Variants in GNB4 observed in about 807,000 individuals in gnomAD.
GNB4 encodes G protein subunit beta 4.
GNB4 carries 28 observed loss-of-function variants against 45.2 expected under a neutral mutation model. The observed-to-expected ratio is 0.62, with a 90% CI of 0.46 to 0.85. The LOEUF is 0.85. GNB4 is among the 40% of genes least tolerant of loss of function. GNB4 has a pLI of 0.00. For synonymous variants in GNB4, 132 were observed against 143.7 expected, an observed-to-expected ratio of 0.92 and a Z score of 0.58; for missense variants, 321 against 425.4, an observed-to-expected ratio of 0.75 and a Z score of 2.16.
At chr3:179,462,925 AC>A in the GNB4 span, among the ~76,000 whole-genome samples, 56 of 152,280 alleles carry the variant, frequency 3.7e-4, no homozygotes, top group South Asian at 1.9e-3. Context: ...TTACCACCCA[AC>A]CCAACCTCAT....
the GNB4 span, among the ~76,000 whole-genome samples, chr3:179,508,932 G>GTATATATATATATATATATATATATA: frequency 1.7e-3 from 170 of 102,076 alleles, 4 homozygotes; most frequent in African/African-American, 6.1e-3. Flanking sequence ...TTCAGCATGT[G>GTATATATATATATATATATATATATA]TATATATATA....
intron 2 of GNB4, among the ~76,000 whole-genome samples, chr3:179,422,269 A>T (rs1715003327): frequency 6.6e-6 from 1 of 152,226 alleles, no homozygotes; most frequent in Non-Finnish European, 1.5e-5. Flanking sequence ...GTGCAAAATT[A>T]CATTATGCAA....
At chr3:179,496,580 T>C in the GNB4 span, among the ~76,000 whole-genome samples, 2 of 152,122 alleles carry the variant, frequency 1.3e-5, no homozygotes, top group African/African-American at 4.8e-5. Context: ...GACCCAACTA[T>C]ATGCTGCCTA....
the GNB4 span, among the ~76,000 whole-genome samples, chr3:179,505,200 A>T: frequency 6.6e-6 from 1 of 152,202 alleles, no homozygotes; most frequent in Non-Finnish European, 1.5e-5. Context: ...CTGGAGGAAG[A>T]TGTAGAACAA....
chr3:179,455,431 C>CAGGCTGTAAA, upstream of GNB4, among the ~76,000 whole-genome samples: 1 of 152,200 alleles, frequency 6.6e-6, no homozygotes, highest in Non-Finnish European at 1.5e-5. Context: ...AGATCTTACC[C>CAGGCTGTAAA]TGCCAGCATT....
Position 179,419,624 on chromosome 3 carries a change from G to A in GNB4, c.97-119C>T, listed in dbSNP as rs552555049. On this transcript the variant is annotated intron_variant, in intron 3 of 9. Transcript: ENST00000232564. Reference sequence around the variant, plus strand: ...TAAAGTACATTTATAGTAACTGAAGGTAATTTAATGTATATAATTCCACAG... The same window carrying A: ...TAAAGTACATTTATAGTAACTGAAGATAATTTAATGTATATAATTCCACAG... 6 of 673,210 alleles carry A rather than the reference G, an allele frequency of 8.9e-6. No individual in the cohort carries two copies. The Admixed American group carries it at 1.5e-4, about 16-fold the overall frequency. 41.7% of individuals were successfully genotyped at this position (673,210 alleles called of 1,614,324 possible). A position where few individuals can be genotyped will look rare whatever the true frequency, so the allele number is the denominator to read the frequency against.
intron 1 of GNB4, among the ~76,000 whole-genome samples, chr3:179,443,235 T>C (rs73047103): frequency 1.3e-3 from 202 of 152,310 alleles, no homozygotes; most frequent in Middle Eastern, 6.8e-3. Context: ...TTCACAGCTT[T>C]AATAAAAGTA....
intron 8 of GNB4, chr3:179,410,229 C>T (rs1350742835): frequency 1.3e-5 from 2 of 151,928 alleles, no homozygotes; most frequent in Non-Finnish European, 2.9e-5. Context: ...AACTAATACA[C>T]CAAGTAAGCA....
chr3:179,468,708 T>G, the GNB4 span, among the ~76,000 whole-genome samples: 1 of 152,198 alleles, frequency 6.6e-6, no homozygotes, highest in Non-Finnish European at 1.5e-5. Context: ...TAGCAGGCCC[T>G]GAAAGATCTC....
chr3:179,468,355 C>T, the GNB4 span, among the ~76,000 whole-genome samples: 4 of 150,904 alleles, frequency 2.7e-5, no homozygotes, highest in Non-Finnish European at 4.4e-5. Context: ...ATTAGCCAGG[C>T]GTGGTGGCGC....
the GNB4 span, among the ~76,000 whole-genome samples, chr3:179,500,633 G>A: frequency 6.6e-6 from 1 of 152,196 alleles, no homozygotes; most frequent in African/African-American, 2.4e-5. Context: ...GTCAAGGATA[G>A]CTTGATGGGG....
In GNB4 at chr3:179,399,800, T is replaced by C. The variant is rs1167035731; in HGVS notation, c.*1413A>G. Reference sequence around the variant, plus strand: ...TAAGTTACAAAACAATGCACGTCTATATATCAGAATAATCCAAGACTTTAC... The same window carrying C: ...TAAGTTACAAAACAATGCACGTCTACATATCAGAATAATCCAAGACTTTAC... On this transcript the variant is annotated 3_prime_UTR_variant, in exon 10 of 10. Coordinates refer to ENST00000232564, the MANE Select transcript of GNB4 (RefSeq NM_021629.4). 2.0e-5 allele frequency: 3 copies of C among 152,228 alleles called. No homozygotes were observed. The highest frequency in any genetic ancestry group is 4.4e-5 in the Non-Finnish European group (3 of 68,048). The allele number at this position is 152,228 out of a possible 1,614,324, so 9.4% of individuals were successfully genotyped here.
intron 1 of GNB4, among the ~76,000 whole-genome samples, chr3:179,429,549 G>A (rs1284053479): frequency 6.6e-6 from 1 of 152,130 alleles, no homozygotes; most frequent in Non-Finnish European, 1.5e-5. Flanking sequence ...TGAGTTTGTG[G>A]CTCATCCCTT....
chr3:179,446,213 G>T (rs1242856298), intron 1 of GNB4, among the ~76,000 whole-genome samples: 1 of 152,190 alleles, frequency 6.6e-6, no homozygotes, highest in Non-Finnish European at 1.5e-5. Flanking sequence ...TTGGCACAAA[G>T]GTGGTAGTGA....
chr3:179,495,270 G>C, the GNB4 span, among the ~76,000 whole-genome samples: 5 of 151,952 alleles, frequency 3.3e-5, no homozygotes, highest in African/African-American at 1.2e-4. Context: ...GAGCTCAGGA[G>C]TTCAGGACCA....
chr3:179,468,030 A>AT, the GNB4 span, among the ~76,000 whole-genome samples: 34,126 of 121,154 alleles, frequency 0.28, 8,631 homozygotes, highest in East Asian at 0.5. Context: ...CATTTTGTTG[A>AT]TAAAAATATA....
the GNB4 span, among the ~76,000 whole-genome samples, chr3:179,477,147 T>C: frequency 6.6e-6 from 1 of 152,188 alleles, no homozygotes; most frequent in Non-Finnish European, 1.5e-5. Flanking sequence ...CTGTATGTAC[T>C]AATCACCTTA....
At chr3:179,521,326 C>T in the GNB4 span, among the ~76,000 whole-genome samples, 3 of 152,172 alleles carry the variant, frequency 2.0e-5, no homozygotes, top group African/African-American at 7.2e-5. Context: ...CCTCACCAAC[C>T]TCAGCCACCA....
chr3:179,519,746 A>C, the GNB4 span, among the ~76,000 whole-genome samples: 2,062 of 151,720 alleles, frequency 0.014, 19 homozygotes, highest in East Asian at 0.053. Flanking sequence ...CCCCATTTAA[A>C]CCACAAGTAT....
Sources: gnomAD v4.1 joint callset for allele counts (sites outside exome capture counted in the v4.1 genomes callset) on GRCh38, gnomAD v4.1.1 for gene constraint, MANE v1.5 for transcripts, NCBI Gene and HGNC (gene_info 2026-07-23, HGNC 2026-07-21) for gene names.